DRC11: variants seen among roughly 807,000 people sequenced by gnomAD.
DRC11 encodes dynein regulatory complex subunit 11.
chr2:236,322,229 C>CTTTTTTTTTTTTT, the DRC11 span, among the ~76,000 whole-genome samples: 1 of 98,542 alleles, frequency 1.0e-5, no homozygotes, highest in Non-Finnish European at 2.0e-5. Context: ...TTTCTTTCCT[C>CTTTTTTTTTTTTT]TTTTTTTTTT....
chr2:236,317,021 C>T, the DRC11 span, among the ~76,000 whole-genome samples: 2 of 152,106 alleles, frequency 1.3e-5, no homozygotes, highest in Admixed American at 6.5e-5. The surrounding 1 kb of genome is among the most constrained non-coding windows in gnomAD (Gnocchi z 5.4). Context: ...CTCAGCCGGG[C>T]GAGGTGGCTC....
At chr2:236,483,149 G>A in the DRC11 span, among the ~76,000 whole-genome samples, 1 of 152,116 alleles carries the variant, frequency 6.6e-6, no homozygotes. The surrounding 1 kb of genome is among the most constrained non-coding windows in gnomAD (Gnocchi z 4.8). Flanking sequence ...TTGTCTTTTT[G>A]TGACTAGCTT....
the DRC11 span, among the ~76,000 whole-genome samples, chr2:236,373,625 T>C: frequency 1.3e-5 from 2 of 152,202 alleles, no homozygotes; most frequent in African/African-American, 4.8e-5. Context: ...TTTTGGGAAG[T>C]TAATGTTTTC....
At chr2:236,505,409 T>TC in the DRC11 span, among the ~76,000 whole-genome samples, 11 of 152,198 alleles carry the variant, frequency 7.2e-5, no homozygotes, top group South Asian at 2.3e-3. Flanking sequence ...CCCCAAATAC[T>TC]CCCCCTGCCT....
chr2:236,424,668 A>C, the DRC11 span, among the ~76,000 whole-genome samples: 2 of 152,110 alleles, frequency 1.3e-5, no homozygotes, highest in African/African-American at 2.4e-5. Flanking sequence ...TGATGAGAAC[A>C]TTTACAATCT....
the DRC11 span, among the ~76,000 whole-genome samples, chr2:236,359,740 T>G: frequency 1.3e-5 from 2 of 152,158 alleles, no homozygotes; most frequent in Non-Finnish European, 2.9e-5. This position sits in a 1 kb window ranked among gnomAD's most constrained non-coding sequence, Gnocchi z 4.3. Context: ...CAAATACCTC[T>G]TTGCAGTGCA....
the DRC11 span, chr2:236,497,327 T>C: frequency 6.2e-7 from 1 of 1,613,836 alleles, no homozygotes; most frequent in Non-Finnish European, 8.5e-7. The surrounding 1 kb of genome is among the most constrained non-coding windows in gnomAD (Gnocchi z 5.1). Context: ...TCGTAGACAT[T>C]CTCTAGGTTT....
the DRC11 span, among the ~76,000 whole-genome samples, chr2:236,440,011 T>G: frequency 6.6e-6 from 1 of 152,212 alleles, no homozygotes; most frequent in Non-Finnish European, 1.5e-5. Flanking sequence ...TATAATCTCA[T>G]GGAGAAGATA....
the DRC11 span, among the ~76,000 whole-genome samples, chr2:236,495,304 T>C: frequency 5.9e-5 from 9 of 152,084 alleles, no homozygotes; most frequent in African/African-American, 2.2e-4. This position sits in a 1 kb window ranked among gnomAD's most constrained non-coding sequence, Gnocchi z 5.6. Flanking sequence ...GCTTGCACCA[T>C]TGCACTCCAG....
chr2:236,335,626 T>A, the DRC11 span, among the ~76,000 whole-genome samples: 3 of 152,242 alleles, frequency 2.0e-5, no homozygotes, highest in Non-Finnish European at 4.4e-5. This position sits in a 1 kb window ranked among gnomAD's most constrained non-coding sequence, Gnocchi z 5.6. Flanking sequence ...AGCTTCATTT[T>A]TAAAGGGCCT....
At chr2:236,398,095 A>C in the DRC11 span, among the ~76,000 whole-genome samples, 1 of 152,146 alleles carries the variant, frequency 6.6e-6, no homozygotes, top group Non-Finnish European at 1.5e-5. This position sits in a 1 kb window ranked among gnomAD's most constrained non-coding sequence, Gnocchi z 6.2. Context: ...TACCTCCCCC[A>C]GTTGTTGTGA....
the DRC11 span, among the ~76,000 whole-genome samples, chr2:236,459,595 G>GTATATATGTA: frequency 4.1e-4 from 45 of 108,566 alleles, no homozygotes; most frequent in African/African-American, 1.4e-3. Context: ...ATACGTATAC[G>GTATATATGTA]TATACATATA....
At chr2:236,321,152 T>C in the DRC11 span, among the ~76,000 whole-genome samples, 1 of 152,194 alleles carries the variant, frequency 6.6e-6, no homozygotes, top group South Asian at 2.1e-4. Flanking sequence ...TCCTACATAC[T>C]TTTATTTATT....
chr2:236,387,355 G>T, the DRC11 span, among the ~76,000 whole-genome samples: 1 of 152,128 alleles, frequency 6.6e-6, no homozygotes, highest in African/African-American at 2.4e-5. Flanking sequence ...TCCTGTATTG[G>T]TGCATATATA....
chr2:236,441,212 A>T, the DRC11 span: 1 of 908,578 alleles, frequency 1.1e-6, no homozygotes, highest in Non-Finnish European at 1.8e-6. Flanking sequence ...CATTTAAATG[A>T]GTGATGGTCA....
the DRC11 span, among the ~76,000 whole-genome samples, chr2:236,398,070 G>A: frequency 2.0e-5 from 3 of 152,294 alleles, no homozygotes; most frequent in South Asian, 2.1e-4. The surrounding 1 kb of genome is among the most constrained non-coding windows in gnomAD (Gnocchi z 6.2). Context: ...CTGCCCATAC[G>A]AGGAGAGCAA....
the DRC11 span, among the ~76,000 whole-genome samples, chr2:236,353,750 T>C: frequency 6.6e-6 from 1 of 151,560 alleles, no homozygotes; most frequent in African/African-American, 2.4e-5. The surrounding 1 kb of genome is among the most constrained non-coding windows in gnomAD (Gnocchi z 5.0). Flanking sequence ...CTGTGGAGGG[T>C]GCAGCTGCCT....
At chr2:236,417,720 T>C in the DRC11 span, among the ~76,000 whole-genome samples, 1 of 152,020 alleles carries the variant, frequency 6.6e-6, no homozygotes, top group Non-Finnish European at 1.5e-5. Flanking sequence ...TAATGCTCTC[T>C]CTCCCCTTGC....
At chr2:236,478,077 T>C in the DRC11 span, among the ~76,000 whole-genome samples, 23 of 152,122 alleles carry the variant, frequency 1.5e-4, no homozygotes, top group Non-Finnish European at 2.8e-4. The surrounding 1 kb of genome is among the most constrained non-coding windows in gnomAD (Gnocchi z 5.9). Context: ...TTTATTTCTT[T>C]CCTTTCACTA....
Sources: allele counts gnomAD v4.1 joint callset (sites outside exome capture counted in the v4.1 genomes callset), GRCh38; gene constraint gnomAD v4.1.1; non-coding constraint Gnocchi (gnomAD v3.1); transcripts MANE v1.5; gene names NCBI Gene and HGNC (gene_info 2026-07-23, HGNC 2026-07-21).